PPP2R2C: variants seen among roughly 807,000 people sequenced by gnomAD.
PPP2R2C encodes the protein protein phosphatase 2, regulatory subunit B, gamma.
A neutral mutation model predicts 45.3 loss-of-function variants in PPP2R2C; 10 were observed. The ratio of observed to expected loss-of-function variants is 0.22; its 90% CI spans 0.14 to 0.37. PPP2R2C has a LOEUF of 0.37. Among genes scored for constraint, PPP2R2C ranks in the 10% least tolerant of loss-of-function variants. The pLI is 1.00. For missense variants in PPP2R2C, 308 were observed against 619.7 expected (o/e 0.50, Z 5.34); for synonymous variants, 257 against 245.4 (o/e 1.05, Z -0.44).
intron 1 of PPP2R2C, among the ~76,000 whole-genome samples, chr4:6,470,804 G>A (rs534646295): frequency 6.6e-6 from 1 of 152,258 alleles, no homozygotes; most frequent in Admixed American, 6.5e-5. Flanking sequence ...CGGAGGCCCG[G>A]GCAGCCCTGC....
chr4:6,505,795 G>A (rs975600466), intron 2 of PPP2R2C, among the ~76,000 whole-genome samples: 3 of 152,030 alleles, frequency 2.0e-5, no homozygotes, highest in Admixed American at 6.6e-5. Flanking sequence ...GTGAAACCTT[G>A]TCTCTACTAA....
At chr4:6,484,883 T>C (rs1722480631) in intron 2 of PPP2R2C, among the ~76,000 whole-genome samples, 1 of 151,948 alleles carries the variant, frequency 6.6e-6, no homozygotes, top group East Asian at 1.9e-4. Flanking sequence ...AAGACAGTTT[T>C]ACTTCTTCTT....
intron 1 of PPP2R2C, among the ~76,000 whole-genome samples, chr4:6,469,024 TA>T (rs1721722044): frequency 1.7e-5 from 2 of 117,524 alleles, no homozygotes; most frequent in Admixed American, 1.3e-4. Flanking sequence ...ATCATCACCA[TA>T]ACCCTCAATG....
chr4:6,441,203 C>T (rs1450523550), intron 1 of PPP2R2C, among the ~76,000 whole-genome samples: 3 of 152,086 alleles, frequency 2.0e-5, no homozygotes, highest in East Asian at 1.9e-4. Flanking sequence ...AAAAGCACCT[C>T]AGGGCCCTCA....
At chr4:6,493,674 C>T (rs1722784037) in intron 2 of PPP2R2C, among the ~76,000 whole-genome samples, 1 of 151,952 alleles carries the variant, frequency 6.6e-6, no homozygotes, top group African/African-American at 2.4e-5. Flanking sequence ...GCTCTCCACA[C>T]CCGCAGCGGA....
rs1732191306 is a variant in PPP2R2C at position 6,329,134 on chromosome 4, CCAGA to C, written c.1052+124_1052+127del. On this transcript the variant is annotated intron_variant, in intron 8 of 8. Coordinates refer to ENST00000382599, the MANE Select transcript of PPP2R2C (RefSeq NM_020416.4). This position sits in a 1 kb window ranked among gnomAD's most constrained non-coding sequence, Gnocchi z 5.8. Reference sequence around the variant, plus strand: ...CTGCTCTGGAAAGCGTGGGCTTCACCCAGACACCTGGACCCATTGAGGCTGAGTA... The same window carrying C: ...CTGCTCTGGAAAGCGTGGGCTTCACCCACCTGGACCCATTGAGGCTGAGTA... 1 of 809,622 alleles carries C rather than the reference CCAGA, an allele frequency of 1.2e-6. No individual in the cohort carries two copies. Among genetic ancestry groups the C allele is most frequent in the Non-Finnish European group, 2.0e-6 (1 of 493,148 alleles). The allele number at this position is 809,622 out of a possible 1,614,324, so 50.2% of individuals were successfully genotyped here. A position where few individuals can be genotyped will look rare whatever the true frequency, so the allele number is the denominator to read the frequency against.
At chr4:6,458,219 A>T (rs1338055153) in intron 1 of PPP2R2C, among the ~76,000 whole-genome samples, 1 of 152,224 alleles carries the variant, frequency 6.6e-6, no homozygotes, top group Non-Finnish European at 1.5e-5. Flanking sequence ...GTTTGTGTAA[A>T]ACATCATGCA....
intron 1 of PPP2R2C, among the ~76,000 whole-genome samples, chr4:6,453,169 C>A (rs1720830322): frequency 6.6e-6 from 1 of 152,144 alleles, no homozygotes; most frequent in African/African-American, 2.4e-5. Flanking sequence ...AAGGGACCCC[C>A]CCACAGAGGA....
intron 2 of PPP2R2C, among the ~76,000 whole-genome samples, chr4:6,483,929 C>T (rs984906362): frequency 7.2e-5 from 11 of 152,004 alleles, no homozygotes; most frequent in South Asian, 2.1e-4. Flanking sequence ...AGACCAGCTG[C>T]GTATTTTTAT....
intron 1 of PPP2R2C, among the ~76,000 whole-genome samples, chr4:6,435,809 T>G (rs1719864470): frequency 6.6e-6 from 1 of 152,204 alleles, no homozygotes. Context: ...TTTGAAAATA[T>G]AGCTTGTCCA....
At chr4:6,517,728 G>T (rs571800905) in intron 2 of PPP2R2C, among the ~76,000 whole-genome samples, 2 of 152,138 alleles carry the variant, frequency 1.3e-5, no homozygotes, top group African/African-American at 2.4e-5. Flanking sequence ...AGTCCATCAT[G>T]CTGAGCCTGG....
At chr4:6,538,056 G>T (rs1323826775) in intron 1 of PPP2R2C, among the ~76,000 whole-genome samples, 1 of 152,100 alleles carries the variant, frequency 6.6e-6, no homozygotes, top group Non-Finnish European at 1.5e-5. Flanking sequence ...ACGACAATAG[G>T]AATGTACCGG....
At chr4:6,409,033 G>T (rs1717985934) in intron 1 of PPP2R2C, among the ~76,000 whole-genome samples, 1 of 152,046 alleles carries the variant, frequency 6.6e-6, no homozygotes, top group Non-Finnish European at 1.5e-5. Flanking sequence ...TAGAGTGAAA[G>T]CACATATAAA....
At chr4:6,425,296 T>C (rs947905926) in intron 1 of PPP2R2C, among the ~76,000 whole-genome samples, 7 of 152,146 alleles carry the variant, frequency 4.6e-5, no homozygotes, top group African/African-American at 1.7e-4. Context: ...GTGAGCATCA[T>C]TAAGAGCCCA....
At chr4:6,340,578 G>A (rs1257890031) in intron 6 of PPP2R2C, among the ~76,000 whole-genome samples, 2 of 151,470 alleles carry the variant, frequency 1.3e-5, no homozygotes, top group Non-Finnish European at 2.9e-5. Context: ...GGCCCCACCT[G>A]CCATGGGGGG....
chr4:6,538,387 G>C (rs914642015), intron 1 of PPP2R2C, among the ~76,000 whole-genome samples: 1 of 152,126 alleles, frequency 6.6e-6, no homozygotes, highest in African/African-American at 2.4e-5. Context: ...CGACACACAG[G>C]TGCATTGAGC....
At chr4:6,350,672 AG>A in intron 5 of PPP2R2C, 1 of 552,050 alleles carries the variant, frequency 1.8e-6, no homozygotes, top group South Asian at 9.2e-5. Context: ...TTCTCTCCCA[AG>A]GGGAGACCTC....
chr4:6,537,944 A>G (rs1336540535), intron 1 of PPP2R2C, among the ~76,000 whole-genome samples: 1 of 152,124 alleles, frequency 6.6e-6, no homozygotes, highest in Non-Finnish European at 1.5e-5. Context: ...AAATTCATAG[A>G]GACAGGAAGC....
chr4:6,348,699 G>T (rs1321965007), intron 5 of PPP2R2C: 2 of 985,270 alleles, frequency 2.0e-6, no homozygotes, highest in Non-Finnish European at 2.4e-6. Context: ...GGGTGGTGTA[G>T]AAAGAAGGAG....
Sources: gnomAD v4.1 joint callset for allele counts (sites outside exome capture counted in the v4.1 genomes callset) on GRCh38, gnomAD v4.1.1 for gene constraint, Gnocchi (gnomAD v3.1) non-coding constraint, MANE v1.5 for transcripts, NCBI Gene and HGNC (gene_info 2026-07-23, HGNC 2026-07-21) for gene names.